The following KIF13B variants were observed in gnomAD, a reference collection of about 807,000 sequenced individuals.
KIF13B encodes kinesin-like protein KIF13B.
Under a neutral mutation model 222.0 loss-of-function variants are expected in KIF13B, and 127 were observed. The observed-to-expected ratio is 0.57, with a 90% CI of 0.50 to 0.66. KIF13B has a LOEUF of 0.66. KIF13B is among the 30% of genes least tolerant of loss of function. KIF13B has a pLI of 0.00. For missense variants in KIF13B, 2,173 were observed against 2,379.0 expected (o/e 0.91, Z 1.80); for synonymous variants, 976 against 919.0 (o/e 1.06, Z -1.12).
chr8:29,118,265 C>T (rs985937859), intron 30 of KIF13B, among the ~76,000 whole-genome samples: 1 of 148,124 alleles, frequency 6.8e-6, no homozygotes, highest in Non-Finnish European at 1.5e-5. Context: ...CCAAGGCAGG[C>T]GATCACTTCC....
chr8:29,123,200 T>C (rs1038694504), intron 28 of KIF13B, among the ~76,000 whole-genome samples, 166 bp downstream of exon 28: 3 of 152,244 alleles, frequency 2.0e-5, no homozygotes, highest in African/African-American at 4.8e-5. Context: ...TTTTAGGCCA[T>C]AGTTATTCAA....
chr8:29,105,559 C>T (rs1400681479), intron 35 of KIF13B, among the ~76,000 whole-genome samples: 1 of 151,044 alleles, frequency 6.6e-6, no homozygotes, highest in African/African-American at 2.4e-5. Context: ...TTCTGGTGCA[C>T]GTGAGGGACA....
At chr8:29,159,425 C>T (rs1251284225) in intron 13 of KIF13B, among the ~76,000 whole-genome samples, 9 of 152,192 alleles carry the variant, frequency 5.9e-5, no homozygotes, top group Non-Finnish European at 1.2e-4. Flanking sequence ...GCTGGGATTA[C>T]AGGTGTGAGC....
chr8:29,215,753 A>G (rs1814449423), intron 2 of KIF13B, among the ~76,000 whole-genome samples: 1 of 152,252 alleles, frequency 6.6e-6, no homozygotes, highest in South Asian at 2.1e-4. Flanking sequence ...TTTTGAAGAA[A>G]GCAACGGGAA....
At position 29,167,527 on chromosome 8, in the gene KIF13B, T is replaced by C. The variant is rs1227564854; in HGVS notation, c.1004A>G (p.Asp335Gly). ...AMVATVSPAA[D>G]NYDETLSTLR... ...AGTTGAGAGGGTTTCATCATAGTTATCAGCTGCAGGACTCACAGTAGCCAC... is the reference window on the plus strand; with the variant it reads ...AGTTGAGAGGGTTTCATCATAGTTACCAGCTGCAGGACTCACAGTAGCCAC... The change falls in exon 11 of 40, where the codon GAT (aspartate) becomes GGT (glycine). Residue 335 changes from aspartate to glycine, a missense_variant. Around this residue, in one of 2 missense-constraint regions of KIF13B, gnomAD observed 1,480 missense variants for 1,722.8 expected, o/e 0.86. Coordinates refer to ENST00000524189, the MANE Select transcript of KIF13B (RefSeq NM_015254.4). The C allele has an allele frequency of 1.2e-6, 2 of 1,614,058 alleles. No individual in the cohort carries two copies. Among genetic ancestry groups the C allele is most frequent in the Non-Finnish European group, 8.5e-7 (1 of 1,179,900 alleles).
At chr8:29,150,269 T>G in intron 15 of KIF13B, 28 bp downstream of exon 15, 2 of 1,239,424 alleles carry the variant, frequency 1.6e-6, no homozygotes, top group South Asian at 1.3e-5. Flanking sequence ...TTCAACAATC[T>G]CTTTAAGGGA....
chr8:29,100,208 C>A (rs1429665346), intron 35 of KIF13B, among the ~76,000 whole-genome samples: 1 of 152,162 alleles, frequency 6.6e-6, no homozygotes, highest in African/African-American at 2.4e-5. Context: ...GATTAAAAGA[C>A]CATTCCAAAA....
intron 21 of KIF13B, among the ~76,000 whole-genome samples, chr8:29,137,472 A>C (rs1810617491): frequency 6.6e-6 from 1 of 152,216 alleles, no homozygotes; most frequent in South Asian, 2.1e-4. Flanking sequence ...CAGGTTTTTA[A>C]ATATACAAAC....
In KIF13B at chr8:29,084,453, G is replaced by A. The variant is rs146675927; in HGVS notation, c.4458+8292C>T. Among the ~76,000 whole-genome samples the A allele has an allele frequency of 2.4e-3, 373 of 152,288 alleles. 2 individuals carry two copies. The highest frequency in any genetic ancestry group is 5.2e-3 in the East Asian group (27 of 5,190). ...TAGCATCAGAGATGGGCAGAGGGGTGCTCTTTCTACACAAGCCTTTATCTA... is the reference window on the plus strand; with the variant it reads ...TAGCATCAGAGATGGGCAGAGGGGTACTCTTTCTACACAAGCCTTTATCTA... On this transcript the variant is annotated intron_variant, in intron 37 of 39. Coordinates refer to ENST00000524189, the MANE Select transcript of KIF13B (RefSeq NM_015254.4).
intron 7 of KIF13B, among the ~76,000 whole-genome samples, chr8:29,181,225 C>T (rs563007990): frequency 6.6e-6 from 1 of 152,272 alleles, no homozygotes; most frequent in East Asian, 1.9e-4. Context: ...TCTGTGTTGA[C>T]CACTGGAAGG....
chr8:29,179,656 C>T (rs1489334586), intron 8 of KIF13B, among the ~76,000 whole-genome samples: 1 of 152,212 alleles, frequency 6.6e-6, no homozygotes, highest in Non-Finnish European at 1.5e-5. Flanking sequence ...CCCTTTCTGG[C>T]TCTTTCTGCT....
At chr8:29,184,139 T>C (rs945516327) in intron 6 of KIF13B, among the ~76,000 whole-genome samples, 1 of 152,102 alleles carries the variant, frequency 6.6e-6, no homozygotes, top group African/African-American at 2.4e-5. Flanking sequence ...CATATTTCCT[T>C]TTTCTTAATG....
intron 2 of KIF13B, among the ~76,000 whole-genome samples, chr8:29,215,140 C>A (rs1033081634): frequency 6.6e-6 from 1 of 152,024 alleles, no homozygotes; most frequent in African/African-American, 2.4e-5. Context: ...CTCATGAAGC[C>A]CTGTCTTCTG....
At chr8:29,159,488 G>A (rs1397146612) in intron 13 of KIF13B, among the ~76,000 whole-genome samples, 1 of 152,138 alleles carries the variant, frequency 6.6e-6, no homozygotes, top group South Asian at 2.1e-4. Flanking sequence ...GATAATATGT[G>A]TATAAGAAAC....
intron 2 of KIF13B, among the ~76,000 whole-genome samples, chr8:29,242,911 G>A (rs1368260863): frequency 6.6e-6 from 1 of 152,122 alleles, no homozygotes; most frequent in Non-Finnish European, 1.5e-5. Flanking sequence ...TGGCATGTTA[G>A]TCCCCAAGAC....
At chr8:29,077,631 T>C (rs1807625206) in intron 37 of KIF13B, among the ~76,000 whole-genome samples, 1 of 152,208 alleles carries the variant, frequency 6.6e-6, no homozygotes. Flanking sequence ...TGAAACCTTT[T>C]CTAAAATCAC....
At chr8:29,237,003 A>G (rs1008217103) in intron 2 of KIF13B, among the ~76,000 whole-genome samples, 1 of 152,162 alleles carries the variant, frequency 6.6e-6, no homozygotes, top group African/African-American at 2.4e-5. Context: ...AAGGATTGGT[A>G]AAGATTAACC....
At chr8:29,193,129 G>A (rs1813262682) in intron 3 of KIF13B, among the ~76,000 whole-genome samples, 1 of 152,126 alleles carries the variant, frequency 6.6e-6, no homozygotes, top group Admixed American at 6.5e-5. Context: ...TCCCTGGATG[G>A]GGCTGTGAGA....
At position 29,113,517 on chromosome 8, in the gene KIF13B, T is replaced by A. The variant is rs772748534; in HGVS notation, c.3876A>T (p.Arg1292=). The A allele has an allele frequency of 8.2e-6, 13 of 1,593,840 alleles. No individual in the cohort carries two copies. In the Admixed American group the frequency reaches 2.3e-4, roughly 28 times the overall value. ...TCACTCCACAGCCAGGAATAGAACT[T>A]CGATGAGACATCTTTTTTAGGAGAC... ...AQSLLKKMSH[R]SSIPGCGVTF... is the part of the protein sequence containing the mutation. Residue 1292 remains arginine, a synonymous_variant, in exon 32 of 40, where the codon CGA becomes CGT. Coordinates refer to ENST00000524189, the MANE Select transcript of KIF13B (RefSeq NM_015254.4).
Sources: allele counts gnomAD v4.1 joint callset (sites outside exome capture counted in the v4.1 genomes callset), GRCh38; gene constraint gnomAD v4.1.1; regional missense constraint gnomAD v4.1.1; transcripts MANE v1.5; gene names NCBI Gene and HGNC (gene_info 2026-07-23, HGNC 2026-07-21).